Variants in RPF1 observed in about 807,000 individuals in gnomAD.
The protein encoded by RPF1 is ribosome production factor 1 homolog, also known as ribosome production factor 1.
RPF1 carries 34 observed loss-of-function variants against 41.9 expected under a neutral mutation model. The ratio of observed to expected loss-of-function variants is 0.81; its 90% CI spans 0.62 to 1.08. The LOEUF (loss-of-function observed/expected upper bound fraction) is 1.08. Among genes scored for constraint, RPF1 ranks in the 50% least tolerant of loss-of-function variants. The pLI, the probability that RPF1 is intolerant of heterozygous loss-of-function variation, is 0.00. For synonymous variants in RPF1, 140 were observed against 148.9 expected (o/e 0.94, Z 0.43); for missense variants, 425 against 435.2 (o/e 0.98, Z 0.21).
intron 3 of RPF1, among the ~76,000 whole-genome samples, chr1:84,486,587 CAAAA>C (rs896267195): frequency 9.3e-5 from 6 of 64,532 alleles, no homozygotes; most frequent in African/African-American, 2.3e-4. Context: ...GACTCCGTCT[CAAAA>C]AAAAAAAAAA....
chr1:84,495,456 G>GTT lies in RPF1; in HGVS notation c.699+2_699+3insTT. 1 of 1,341,524 alleles carries GTT rather than the reference G, an allele frequency of 7.5e-7. No individual in the cohort carries two copies. The allele number at this position is 1,341,524 out of a possible 1,614,324, so 83.1% of individuals were successfully genotyped here. On this transcript the variant is annotated splice_donor_variant, in intron 6 of 8. Coordinates refer to ENST00000370654, the MANE Select transcript of RPF1 (RefSeq NM_025065.7). LOFTEE classifies it high-confidence loss of function. ...TGTTCGTCTTCGTAAAGAAATTAAG[G>GTT]TAAGTTTTATACATTTCTTTGATTG...
chr1:84,482,635 A>T (rs1264832761), intron 2 of RPF1, among the ~76,000 whole-genome samples: 2 of 149,218 alleles, frequency 1.3e-5, no homozygotes, highest in African/African-American at 2.5e-5. Flanking sequence ...AACTATCTTG[A>T]TCTCTATTTC....
At chr1:84,489,503 C>G (rs1353225989) in intron 3 of RPF1, 130 bp from the exon 4 acceptor site, 1 of 632,408 alleles carries the variant, frequency 1.6e-6, no homozygotes, top group Non-Finnish European at 2.9e-6. Context: ...GTCAGTCCTT[C>G]CTAGTCTGTC....
At position 84,479,354 on chromosome 1, in the gene RPF1, C is replaced by T. The variant is rs767595091; in HGVS notation, c.73C>T (p.Leu25Phe). The change falls in exon 1 of 9, where the codon CTT becomes TTT. Residue 25 changes from leucine to phenylalanine, a missense_variant. Physicochemically the swap from Leu to Phe is conservative, Grantham distance 22 (BLOSUM62 0). Transcript: ENST00000370654. ...AAAACGGAAAGCCGCTGCCGAAGAA[C>T]TTCAGGAGGCTGCAGGCGCTGGGGA... ...SLKRKAAAEELQEAAGAGDGA... is the reference protein window; with the variant it reads ...SLKRKAAAEEFQEAAGAGDGA... 2 of 1,613,862 alleles carry T rather than the reference C, an allele frequency of 1.2e-6. No individual in the cohort carries two copies. The highest frequency in any genetic ancestry group is 1.1e-5 in the South Asian group (1 of 91,080).
chr1:84,480,273 G>C (rs1274005791), intron 1 of RPF1, among the ~76,000 whole-genome samples: 1 of 152,210 alleles, frequency 6.6e-6, no homozygotes, highest in African/African-American at 2.4e-5. Flanking sequence ...ACGTATTGGG[G>C]AGGGATGTCC....
intron 1 of RPF1, among the ~76,000 whole-genome samples, chr1:84,479,933 C>T (rs940620016): frequency 6.6e-6 from 1 of 152,178 alleles, no homozygotes; most frequent in Non-Finnish European, 1.5e-5. Context: ...CCTGCAGGAG[C>T]TCCTTACCGA....
intron 3 of RPF1, chr1:84,483,429 G>C (rs59441149): frequency 0.058 from 8,908 of 154,580 alleles, 405 homozygotes; most frequent in African/African-American, 0.12. Context: ...ACCACGCCTG[G>C]CTAATTTTTG....
At chr1:84,487,459 A>G (rs775794864) in intron 3 of RPF1, among the ~76,000 whole-genome samples, 3 of 152,128 alleles carry the variant, frequency 2.0e-5, no homozygotes, top group East Asian at 1.9e-4. Context: ...ATCATGTAGT[A>G]TATTTTACGC....
chr1:84,483,170 C>A, intron 3 of RPF1, 175 bp downstream of exon 3: 1 of 506,998 alleles, frequency 2.0e-6, no homozygotes, highest in Non-Finnish European at 3.6e-6. Context: ...TTGAATTTCC[C>A]AATAATGCTA....
At position 84,498,226 on chromosome 1, in the gene RPF1, G is replaced by GAGA. The variant is rs1427838900; in HGVS notation, c.*760_*762dup. 6.6e-6 allele frequency: 1 copy of GAGA among 152,560 alleles called. No individual in the cohort carries two copies. The highest frequency in any genetic ancestry group is 1.5e-5 in the Non-Finnish European group (1 of 68,054). The allele number at this position is 152,560 out of a possible 1,614,324, so 9.5% of individuals were successfully genotyped here. ...CCAGATGTATGGCATAAAGTCATGT[G>GAGA]AGAAGAGTAGGTGGAAAAAACTGTA... is the stretch of plus-strand genomic sequence containing the variant. On this transcript the variant is annotated 3_prime_UTR_variant, in exon 9 of 9. Coordinates refer to ENST00000370654, the MANE Select transcript of RPF1 (RefSeq NM_025065.7).
chr1:84,488,575 T>C lies in RPF1; in HGVS notation c.367-1058T>C, dbSNP rs533505608. Among the ~76,000 whole-genome samples, 6 of 152,244 alleles carry C rather than the reference T, an allele frequency of 3.9e-5. No homozygotes were observed. In the South Asian group the frequency reaches 1.2e-3, roughly 32 times the overall value. On this transcript the variant is annotated intron_variant, in intron 3 of 8. Transcript: ENST00000370654. ...TCCCATTTTTGTGCCTTCTAGAACT[T>C]CTAGCCTAATGTCAAATAAATAGAA...
rs182260989 is a variant in RPF1, at chr1:84,496,878, T to C, written c.1008+508T>C. On this transcript the variant is annotated intron_variant, in intron 8 of 8. Coordinates refer to ENST00000370654, the MANE Select transcript of RPF1 (RefSeq NM_025065.7). ...ATGAAAACTTTTTTGTTGTTGTTGT[T>C]TTGTTTTTTTTGAGATGAGTCTCAG... is the stretch of plus-strand genomic sequence containing the variant. 4.6e-5 allele frequency among the ~76,000 whole-genome samples: 7 copies of C among 152,104 alleles called. No individual in the cohort carries two copies. In the East Asian group the frequency reaches 1.4e-3, roughly 29 times the overall value.
At chr1:84,494,696 T>C (rs1681897004) in intron 5 of RPF1, among the ~76,000 whole-genome samples, 1 of 152,226 alleles carries the variant, frequency 6.6e-6, no homozygotes, top group Non-Finnish European at 1.5e-5. Context: ...CTAGTCCTGC[T>C]GGTTGTAGGT....
rs539454410 is a variant in RPF1, at chr1:84,497,570, A to G, written c.*100A>G. 1.0e-4 allele frequency: 86 copies of G among 863,306 alleles called. No homozygotes were observed. The African/African-American group carries it at 1.4e-3, about 14-fold the overall frequency. The allele number at this position is 863,306 out of a possible 1,614,324, so 53.5% of individuals were successfully genotyped here. A position where few individuals can be genotyped will look rare whatever the true frequency, so the allele number is the denominator to read the frequency against. On this transcript the variant is annotated 3_prime_UTR_variant, in exon 9 of 9. Coordinates refer to ENST00000370654, the MANE Select transcript of RPF1 (RefSeq NM_025065.7). ...ACTCTTTTCAAAATGGCATTTGCTG[A>G]TTTCATAAACCTTTCACGTCTGGAC...
intron 2 of RPF1, among the ~76,000 whole-genome samples, chr1:84,481,547 T>C (rs1446562531): frequency 1.3e-5 from 2 of 152,076 alleles, no homozygotes; most frequent in Non-Finnish European, 2.9e-5. Context: ...GTACAGAGGA[T>C]ATGAACCTGT....
chr1:84,480,859 C>T (rs1233123653), intron 1 of RPF1, 97 bp from the exon 2 acceptor site: 3 of 673,170 alleles, frequency 4.5e-6, no homozygotes, highest in Non-Finnish European at 7.9e-6. Flanking sequence ...CCGCCCAGTT[C>T]GAGTATTCAT....
chr1:84,490,661 A>T (rs1398483779), intron 5 of RPF1, among the ~76,000 whole-genome samples, 189 bp downstream of exon 5: 3 of 152,246 alleles, frequency 2.0e-5, no homozygotes, highest in Non-Finnish European at 4.4e-5. Context: ...TATCAGGCAC[A>T]TGCTACAGCC....
chr1:84,490,064 T>C (rs1354702405), intron 4 of RPF1, among the ~76,000 whole-genome samples: 1 of 152,162 alleles, frequency 6.6e-6, no homozygotes, highest in Admixed American at 6.5e-5. Flanking sequence ...CCATCAGTCA[T>C]AACCATCAAA....
rs2101885403 is a variant in RPF1, at chr1:84,489,733, A to G, written c.462+5A>G. The G allele has an allele frequency of 6.8e-7, 1 of 1,467,294 alleles. No homozygotes were observed. Among genetic ancestry groups the G allele is most frequent in the Non-Finnish European group, 9.6e-7 (1 of 1,046,666 alleles). The allele number at this position is 1,467,294 out of a possible 1,614,324, so 90.9% of individuals were successfully genotyped here. A position where few individuals can be genotyped will look rare whatever the true frequency, so the allele number is the denominator to read the frequency against. The stretch of plus-strand genomic sequence containing the variant: ...ACATCAGATAGACCTCATGGGGTAA[A>G]CACATTGATTAATTTAGTTCTTGAA... On this transcript the variant is annotated splice_donor_5th_base_variant and intron_variant, in intron 4 of 8. Transcript: ENST00000370654.
Sources: gnomAD v4.1 joint callset for allele counts (sites outside exome capture counted in the v4.1 genomes callset) on GRCh38, gnomAD v4.1.1 for gene constraint, MANE v1.5 for transcripts, NCBI Gene and HGNC (gene_info 2026-07-23, HGNC 2026-07-21) for gene names.